CALN1: variants seen among roughly 807,000 people sequenced by gnomAD.
CALN1 encodes the protein calneuron 1.
In CALN1, 17 loss-of-function variants were observed where a neutral mutation model predicts 30.6. The observed-to-expected ratio is 0.56, with a 90% CI of 0.38 to 0.83. CALN1 has a LOEUF of 0.83. Ranked by LOEUF, CALN1 falls within the 40% of genes least tolerant of loss-of-function variation. CALN1 has a pLI of 0.00. For missense variants in CALN1, 291 were observed against 354.9 expected, an observed-to-expected ratio of 0.82 and a Z score of 1.45; for synonymous variants, 156 against 131.4, an observed-to-expected ratio of 1.19 and a Z score of -1.28.
At chr7:72,066,063 G>C (rs898979553) in intron 4 of CALN1, among the ~76,000 whole-genome samples, 1 of 152,204 alleles carries the variant, frequency 6.6e-6, no homozygotes, top group Non-Finnish European at 1.5e-5. Flanking sequence ...ACCTGCACCT[G>C]TGCTGGAAAC....
chr7:72,319,873 G>A (rs902681644), intron 2 of CALN1, among the ~76,000 whole-genome samples: 2 of 152,000 alleles, frequency 1.3e-5, no homozygotes, highest in African/African-American at 4.8e-5. Flanking sequence ...GGGAGGGGAT[G>A]AGAGATAAGA....
chr7:72,169,651 C>T (rs1192892317), intron 3 of CALN1, among the ~76,000 whole-genome samples: 1 of 151,814 alleles, frequency 6.6e-6, no homozygotes, highest in Non-Finnish European at 1.5e-5. Context: ...CATTCTCCCT[C>T]TAAGGCTTTA....
intron 3 of CALN1, among the ~76,000 whole-genome samples, chr7:72,232,014 G>A (rs1181662076): frequency 6.6e-6 from 1 of 152,200 alleles, no homozygotes; most frequent in Non-Finnish European, 1.5e-5. Flanking sequence ...AATGTGTGTT[G>A]GGATATTGGA....
chr7:72,364,797 A>G (rs1055783460), intron 2 of CALN1, among the ~76,000 whole-genome samples: 25 of 152,326 alleles, frequency 1.6e-4, no homozygotes, highest in African/African-American at 4.6e-4. Context: ...TAAATATATA[A>G]AATTGATTTG....
chr7:72,062,566 GAACTTAGAACATAAGA>G (rs1803740488), intron 4 of CALN1, among the ~76,000 whole-genome samples: 1 of 150,738 alleles, frequency 6.6e-6, no homozygotes, highest in Admixed American at 6.6e-5. Context: ...TACCAGAAGG[GAACTTAGAACATAAGA>G]AATGCCAAAT....
chr7:72,216,248 C>CTGT (rs1792802595), intron 3 of CALN1, among the ~76,000 whole-genome samples: 1 of 151,756 alleles, frequency 6.6e-6, no homozygotes, highest in South Asian at 2.1e-4. Context: ...GACTCTGACT[C>CTGT]TACAAAAAAT....
intron 5 of CALN1, among the ~76,000 whole-genome samples, chr7:71,844,960 G>C (rs763416744): frequency 3.9e-5 from 6 of 151,998 alleles, no homozygotes; most frequent in Non-Finnish European, 8.8e-5. Flanking sequence ...CATGATCTTG[G>C]CTCACTGCAA....
chr7:72,043,949 T>G (rs1372154599), intron 4 of CALN1, among the ~76,000 whole-genome samples: 1 of 152,186 alleles, frequency 6.6e-6, no homozygotes, highest in Non-Finnish European at 1.5e-5. Context: ...GGAGAGGGCT[T>G]GTGTAGAGGA....
chr7:72,263,394 A>AT lies in CALN1; in HGVS notation c.244+15291dup, dbSNP rs562392260. Among the ~76,000 whole-genome samples, 327 of 151,988 alleles carry AT rather than the reference A, an allele frequency of 2.2e-3. 3 individuals are homozygous for AT. Among genetic ancestry groups the AT allele is most frequent in the Non-Finnish European group, 3.8e-3 (260 of 67,960 alleles). ...CAACCATGCATTTTTATTTTATTTTATTTTTTATTTTATTTTTTTTAACCA... is the reference window on the plus strand; with the variant it reads ...CAACCATGCATTTTTATTTTATTTTATTTTTTTATTTTATTTTTTTTAACCA... On this transcript the variant is annotated intron_variant, in intron 3 of 6. Coordinates refer to ENST00000395275, the MANE Select transcript of CALN1 (RefSeq NM_031468.4).
At chr7:72,384,122 C>T (rs1018758566) in intron 2 of CALN1, among the ~76,000 whole-genome samples, 6 of 152,274 alleles carry the variant, frequency 3.9e-5, no homozygotes, top group African/African-American at 7.2e-5. Flanking sequence ...AGGAAGGAGG[C>T]GGCAAAATGC....
chr7:71,868,981 C>T (rs1254039426), intron 5 of CALN1, among the ~76,000 whole-genome samples: 1 of 152,140 alleles, frequency 6.6e-6, no homozygotes, highest in African/African-American at 2.4e-5. Flanking sequence ...TGTCATCTGA[C>T]TCATTTCCTC....
At position 71,787,822 on chromosome 7, in the gene CALN1, C is replaced by A; in HGVS notation, c.739G>T (p.Val247Phe). 1 of 1,614,126 alleles carries A rather than the reference C, an allele frequency of 6.2e-7. No homozygotes were observed. Among genetic ancestry groups the A allele is most frequent in the Non-Finnish European group, 8.5e-7 (1 of 1,180,042 alleles). The change falls in exon 7 of 7, where the codon GTC becomes TTC. Residue 247 changes from valine (V) to phenylalanine (F), a missense_variant. Val to Phe is a conservative substitution (Grantham distance 50). Around this residue, in one of 2 missense-constraint regions of CALN1, gnomAD observed 169 missense variants for 251.7 expected, o/e 0.67. Coordinates refer to ENST00000395275, the MANE Select transcript of CALN1 (RefSeq NM_031468.4). Reference protein sequence around the residue: ...CAFAMAFIISVMLIAANQILR... With the variant: ...CAFAMAFIISFMLIAANQILR... Reference sequence around the variant, plus strand: ...ATCTGGTTGGCTGCAATCAGCATGACACTGATGATGAAGGCCATAGCAAAG... The same window carrying A: ...ATCTGGTTGGCTGCAATCAGCATGAAACTGATGATGAAGGCCATAGCAAAG...
At chr7:72,369,555 T>C (rs1196510559) in intron 2 of CALN1, among the ~76,000 whole-genome samples, 1 of 151,948 alleles carries the variant, frequency 6.6e-6, no homozygotes, top group African/African-American at 2.4e-5. Flanking sequence ...GAGACGGGGT[T>C]TCTCCATGTT....
chr7:72,098,833 C>T (rs1204133840), intron 4 of CALN1, among the ~76,000 whole-genome samples: 1 of 151,546 alleles, frequency 6.6e-6, no homozygotes, highest in East Asian at 1.9e-4. Context: ...CAAACTGGCT[C>T]CAGGCCAGGT....
chr7:71,870,410 C>T (rs943694111), intron 5 of CALN1, among the ~76,000 whole-genome samples: 1 of 151,412 alleles, frequency 6.6e-6, no homozygotes, highest in African/African-American at 2.4e-5. Context: ...TGCTCTAAAG[C>T]AAATATAGCA....
intron 3 of CALN1, among the ~76,000 whole-genome samples, chr7:72,110,887 G>C (rs1807523558): frequency 6.6e-6 from 1 of 152,102 alleles, no homozygotes; most frequent in Non-Finnish European, 1.5e-5. Context: ...AACCCACGGA[G>C]ACATTGGAAC....
chr7:72,354,845 A>C (rs974263377), intron 2 of CALN1, among the ~76,000 whole-genome samples: 2 of 152,142 alleles, frequency 1.3e-5, no homozygotes, highest in Non-Finnish European at 2.9e-5. Flanking sequence ...CTTTTAAAGA[A>C]AACCCAGGAG....
At chr7:71,980,636 G>T (rs1408613503) in intron 5 of CALN1, among the ~76,000 whole-genome samples, 1 of 152,158 alleles carries the variant, frequency 6.6e-6, no homozygotes, top group Non-Finnish European at 1.5e-5. Flanking sequence ...AGAAGGGCCT[G>T]CTCTGAGCAC....
At chr7:72,354,680 A>G (rs986388366) in intron 2 of CALN1, among the ~76,000 whole-genome samples, 4 of 152,184 alleles carry the variant, frequency 2.6e-5, no homozygotes, top group Non-Finnish European at 5.9e-5. Flanking sequence ...AAATTAATTC[A>G]AATTAATTAA....
Sources: allele counts gnomAD v4.1 joint callset (sites outside exome capture counted in the v4.1 genomes callset), GRCh38; gene constraint gnomAD v4.1.1; regional missense constraint gnomAD v4.1.1; transcripts MANE v1.5; gene names NCBI Gene and HGNC (gene_info 2026-07-23, HGNC 2026-07-21).